Variants in PPHLN1 observed in about 807,000 individuals in gnomAD.
The protein encoded by PPHLN1 is periphilin 1, also known as periphilin-1.
PPHLN1 carries 29 observed loss-of-function variants against 51.3 expected under a neutral mutation model. The ratio of observed to expected loss-of-function variants is 0.57; its 90% CI spans 0.42 to 0.77. The LOEUF (loss-of-function observed/expected upper bound fraction) is 0.77, where lower values mean the gene tolerates loss of function less well. Among genes scored for constraint, PPHLN1 ranks in the 30% least tolerant of loss-of-function variants. The pLI is 0.00. For synonymous variants in PPHLN1, 147 were observed against 147.8 expected, an observed-to-expected ratio of 0.99 and a Z score of 0.04; for missense variants, 436 against 438.4, an observed-to-expected ratio of 0.99 and a Z score of 0.05.
At chr12:42,439,486 A>C (rs1289369050) in intron 9 of PPHLN1, among the ~76,000 whole-genome samples, 2 of 152,166 alleles carry the variant, frequency 1.3e-5, no homozygotes, top group Non-Finnish European at 2.9e-5. Flanking sequence ...CTGTAGCTTT[A>C]AAGTAAGGTG....
intron 2 of PPHLN1, among the ~76,000 whole-genome samples, chr12:42,337,186 T>C (rs1481346190): frequency 6.6e-6 from 1 of 152,114 alleles, no homozygotes; most frequent in Non-Finnish European, 1.5e-5. Context: ...ATGACTTTTT[T>C]CTTTATCTCC....
chr12:42,446,992 C>G (rs1593087269), downstream of PPHLN1: 1 of 195,478 alleles, frequency 5.1e-6, no homozygotes, highest in East Asian at 1.2e-4. Context: ...CTTTGGTATT[C>G]TGTCTCTACT....
At chr12:42,413,386 T>A (rs1401118253) in intron 9 of PPHLN1, among the ~76,000 whole-genome samples, 1 of 152,124 alleles carries the variant, frequency 6.6e-6, no homozygotes, top group Non-Finnish European at 1.5e-5. Context: ...TTTCCTGAAT[T>A]TATGTTTTTG....
intron 9 of PPHLN1, among the ~76,000 whole-genome samples, chr12:42,402,698 G>C (rs1286195010): frequency 6.6e-6 from 1 of 151,858 alleles, no homozygotes; most frequent in Admixed American, 6.6e-5. Flanking sequence ...TAAGGACACA[G>C]GGCTCTTAAA....
At chr12:42,446,839 G>A (rs2083346384), downstream of PPHLN1, 1 of 472,108 alleles carries the variant, frequency 2.1e-6, no homozygotes, top group South Asian at 6.0e-5. Context: ...TGAGGCTGAG[G>A]GCGAACAGTA....
At chr12:42,346,478 C>G (rs2072346798) in intron 2 of PPHLN1, among the ~76,000 whole-genome samples, 1 of 152,094 alleles carries the variant, frequency 6.6e-6, no homozygotes, top group Non-Finnish European at 1.5e-5. Flanking sequence ...TTTTCTTGAT[C>G]CATTTGTTCA....
At chr12:42,338,112 G>C (rs2070963776) in intron 2 of PPHLN1, among the ~76,000 whole-genome samples, 1 of 151,526 alleles carries the variant, frequency 6.6e-6, no homozygotes, top group Non-Finnish European at 1.5e-5. Context: ...TTTTTAGTAG[G>C]GACAGGGTTT....
At chr12:42,368,354 C>T (rs2075476380) in intron 4 of PPHLN1, among the ~76,000 whole-genome samples, 1 of 152,048 alleles carries the variant, frequency 6.6e-6, no homozygotes, top group African/African-American at 2.4e-5. Context: ...CAAATTGTCT[C>T]AGTTATATAA....
intron 2 of PPHLN1, chr12:42,350,220 G>A (rs1222475099): frequency 6.4e-6 from 1 of 157,006 alleles, no homozygotes; most frequent in African/African-American, 2.4e-5. Context: ...GTGGTCGCCG[G>A]GCAGAGGCGC....
At chr12:42,335,222 C>T (rs573359088) in intron 1 of PPHLN1, among the ~76,000 whole-genome samples, 1 of 152,002 alleles carries the variant, frequency 6.6e-6, no homozygotes, top group Admixed American at 6.6e-5. Context: ...CCCACCCCCC[C>T]CTTCTCTGAA....
At chr12:42,385,189 G>A (rs2139017636) in intron 6 of PPHLN1, among the ~76,000 whole-genome samples, 193 bp downstream of exon 6, 1 of 152,334 alleles carries the variant, frequency 6.6e-6, no homozygotes, top group South Asian at 2.1e-4. Context: ...ATTCCTGGAT[G>A]GGAATAGCCA....
chr12:42,422,418 G>A (rs1232720725), intron 9 of PPHLN1, among the ~76,000 whole-genome samples: 3 of 152,210 alleles, frequency 2.0e-5, no homozygotes, highest in African/African-American at 7.2e-5. Context: ...TTTCCATGAA[G>A]TAAGGTTAAA....
chr12:42,327,008 C>A (rs1025430933), intron 1 of PPHLN1, among the ~76,000 whole-genome samples: 1 of 152,160 alleles, frequency 6.6e-6, no homozygotes. Flanking sequence ...TTTTGAGAGG[C>A]CTGAATGCCT....
downstream of PPHLN1, chr12:42,442,598 A>G: frequency 6.2e-7 from 1 of 1,612,496 alleles, no homozygotes; most frequent in Non-Finnish European, 8.5e-7. Context: ...CTTACACAAA[A>G]TACCTGCGTC....
chr12:42,328,772 C>T (rs560010665), intron 1 of PPHLN1, among the ~76,000 whole-genome samples: 156 of 152,168 alleles, frequency 1.0e-3, no homozygotes, highest in Middle Eastern at 6.8e-3. Flanking sequence ...TGCAGTGGCA[C>T]GATCATGGCT....
intron 9 of PPHLN1, among the ~76,000 whole-genome samples, chr12:42,425,638 C>T (rs892444380): frequency 6.6e-6 from 1 of 152,116 alleles, no homozygotes; most frequent in Admixed American, 6.5e-5. Flanking sequence ...CCACCTGCCT[C>T]GGCCTCCCAG....
intron 5 of PPHLN1, among the ~76,000 whole-genome samples, chr12:42,377,684 T>C (rs1202687951): frequency 1.3e-5 from 2 of 152,200 alleles, no homozygotes; most frequent in Non-Finnish European, 2.9e-5. Flanking sequence ...AAAGTATCTT[T>C]GGAAACTGAT....
intron 1 of PPHLN1, among the ~76,000 whole-genome samples, chr12:42,326,603 T>C (rs1426061866): frequency 6.6e-6 from 1 of 152,156 alleles, no homozygotes; most frequent in Non-Finnish European, 1.5e-5. Flanking sequence ...TTTTGTTTTG[T>C]TTTCTGGTGA....
intron 7 of PPHLN1, among the ~76,000 whole-genome samples, chr12:42,392,104 T>C (rs2077772816): frequency 6.6e-6 from 1 of 152,124 alleles, no homozygotes; most frequent in South Asian, 2.1e-4. Flanking sequence ...TACTGTTAGC[T>C]ACTCGGGAGG....
Sources: allele counts gnomAD v4.1 joint callset (sites outside exome capture counted in the v4.1 genomes callset), GRCh38; gene constraint gnomAD v4.1.1; transcripts MANE v1.5; gene names NCBI Gene and HGNC (gene_info 2026-07-23, HGNC 2026-07-21).